IQGAP2: variants seen among roughly 807,000 people sequenced by gnomAD.
The protein encoded by IQGAP2 is IQ motif containing GTPase activating protein 2, also known as ras GTPase-activating-like protein IQGAP2.
Under a neutral mutation model 201.3 loss-of-function variants are expected in IQGAP2, and 173 were observed. That is an observed-to-expected ratio of 0.86 (90% CI 0.76 to 0.98). IQGAP2 has a LOEUF of 0.98. IQGAP2 is among the 50% of genes least tolerant of loss of function. The pLI is 0.00. For missense variants in IQGAP2, 1,687 were observed against 1,864.8 expected (o/e 0.90, Z 1.76); for synonymous variants, 675 against 673.9 (o/e 1.00, Z -0.03).
chr5:76,522,399 T>G (rs1303690054), intron 2 of IQGAP2, among the ~76,000 whole-genome samples: 1 of 152,072 alleles, frequency 6.6e-6, no homozygotes, highest in Non-Finnish European at 1.5e-5. Flanking sequence ...GCCAGGCTGG[T>G]CTTGAACTCC....
At chr5:76,672,211 C>G (rs1341198324) in intron 24 of IQGAP2, among the ~76,000 whole-genome samples, 1 of 152,174 alleles carries the variant, frequency 6.6e-6, no homozygotes, top group Non-Finnish European at 1.5e-5. Flanking sequence ...ATAATTCTCT[C>G]CCTTGTTTAT....
At chr5:76,466,368 A>G (rs936707934) in intron 2 of IQGAP2, among the ~76,000 whole-genome samples, 1 of 152,152 alleles carries the variant, frequency 6.6e-6, no homozygotes, top group Non-Finnish European at 1.5e-5. Context: ...TTATATGGAG[A>G]TGCAAGGAAT....
intron 2 of IQGAP2, among the ~76,000 whole-genome samples, chr5:76,524,627 G>C (rs757688750): frequency 7.9e-5 from 12 of 152,260 alleles, no homozygotes; most frequent in Admixed American, 6.5e-4. Context: ...AAAAACATAA[G>C]AGTTGAACAA....
chr5:76,560,288 G>C (rs893808087), intron 2 of IQGAP2, among the ~76,000 whole-genome samples: 1 of 150,644 alleles, frequency 6.6e-6, no homozygotes, highest in African/African-American at 2.4e-5. Flanking sequence ...GAGTAACTGG[G>C]ACCACAGGTG....
intron 2 of IQGAP2, among the ~76,000 whole-genome samples, chr5:76,468,041 T>C (rs915410005): frequency 1.3e-5 from 2 of 152,186 alleles, no homozygotes; most frequent in Non-Finnish European, 2.9e-5. Flanking sequence ...GTGGTGATGG[T>C]TGCACAACTT....
chr5:76,403,369 C>T lies in IQGAP2; in HGVS notation c.-177C>T, dbSNP rs1122654. The T allele has an allele frequency of 0.16, 67,878 of 424,668 alleles. 7,482 individuals carry two copies. Among genetic ancestry groups the T allele is most frequent in the East Asian group, 0.51 (13,250 of 25,994 alleles). 26.3% of individuals were successfully genotyped at this position (424,668 alleles called of 1,614,324 possible). Reference sequence around the variant, plus strand: ...TACTTCAGTGTCAGCGCGCGGCGGCCGTGGCTGGCTCTGGCGAGAGAGCAC... The same window carrying T: ...TACTTCAGTGTCAGCGCGCGGCGGCTGTGGCTGGCTCTGGCGAGAGAGCAC... On this transcript the variant is annotated 5_prime_UTR_variant, in exon 1 of 36. Coordinates refer to ENST00000274364, the MANE Select transcript of IQGAP2 (RefSeq NM_006633.5). This position sits in a 1 kb window ranked among gnomAD's most constrained non-coding sequence, Gnocchi z 4.8.
At chr5:76,655,184 A>G (rs934285358) in intron 20 of IQGAP2, among the ~76,000 whole-genome samples, 181 bp downstream of exon 20, 8 of 152,186 alleles carry the variant, frequency 5.3e-5, no homozygotes, top group Admixed American at 1.3e-4. Context: ...ACATGGTGAA[A>G]GGAAATGGGC....
intron 17 of IQGAP2, among the ~76,000 whole-genome samples, chr5:76,645,677 C>CA (rs1369285217): frequency 6.6e-6 from 1 of 151,508 alleles, no homozygotes; most frequent in Admixed American, 6.6e-5. Context: ...TATCCAGGAG[C>CA]AAAAAAATTA....
chr5:76,618,126 G>A (rs2150356278), intron 13 of IQGAP2: 2 of 1,614,154 alleles, frequency 1.2e-6, no homozygotes, highest in South Asian at 1.1e-5. Flanking sequence ...ATGGACGATG[G>A]CCAGGTAGCG....
intron 21 of IQGAP2, among the ~76,000 whole-genome samples, chr5:76,659,273 G>T (rs972164937): frequency 5.3e-5 from 8 of 152,130 alleles, no homozygotes; most frequent in African/African-American, 1.9e-4. Context: ...TAAGACTAGG[G>T]CCTTTATATG....
At chr5:76,569,854 T>C (rs1380570392) in intron 3 of IQGAP2, among the ~76,000 whole-genome samples, 1 of 152,206 alleles carries the variant, frequency 6.6e-6, no homozygotes, top group Non-Finnish European at 1.5e-5. Context: ...TTTTATGAGA[T>C]ACAGGCAAGA....
At chr5:76,481,353 G>A (rs758530226) in intron 2 of IQGAP2, among the ~76,000 whole-genome samples, 17 of 151,448 alleles carry the variant, frequency 1.1e-4, no homozygotes, top group East Asian at 1.9e-4. Flanking sequence ...TATCCCAAAC[G>A]TCATTTTAAT....
At chr5:76,475,936 C>T (rs933652849) in intron 2 of IQGAP2, among the ~76,000 whole-genome samples, 4 of 151,928 alleles carry the variant, frequency 2.6e-5, no homozygotes, top group African/African-American at 4.8e-5. Flanking sequence ...AAATTGGGTT[C>T]TTGAGGTCCC....
chr5:76,457,726 T>C (rs958930146), intron 1 of IQGAP2, among the ~76,000 whole-genome samples: 3 of 152,352 alleles, frequency 2.0e-5, no homozygotes, highest in African/African-American at 7.2e-5. Context: ...GGAAATGGAC[T>C]CCTAAAGGAC....
At chr5:76,689,229 T>TGAAAAAAAAAAAAA (rs1561595883) in intron 30 of IQGAP2, among the ~76,000 whole-genome samples, 1 of 33,680 alleles carries the variant, frequency 3.0e-5, no homozygotes, top group African/African-American at 1.2e-4. Context: ...ACAGGGATAT[T>TGAAAAAAAAAAAAA]TAAAAAAAAA....
chr5:76,631,356 C>A (rs1200797759), intron 14 of IQGAP2, among the ~76,000 whole-genome samples: 2 of 152,108 alleles, frequency 1.3e-5, no homozygotes, highest in African/African-American at 4.8e-5. Context: ...TTGCACATAT[C>A]CACCAGCTCT....
intron 15 of IQGAP2, among the ~76,000 whole-genome samples, chr5:76,635,897 A>T (rs1404663887): frequency 6.6e-6 from 1 of 152,080 alleles, no homozygotes; most frequent in Non-Finnish European, 1.5e-5. Flanking sequence ...AGGAAGAAAG[A>T]ATAATAATTA....
At chr5:76,661,307 G>C (rs891423422) in intron 21 of IQGAP2, among the ~76,000 whole-genome samples, 1 of 152,162 alleles carries the variant, frequency 6.6e-6, no homozygotes, top group South Asian at 2.1e-4. Context: ...TAGGCAAAAA[G>C]AATGGTTTGG....
intron 13 of IQGAP2, among the ~76,000 whole-genome samples, chr5:76,613,315 T>C (rs1312637783): frequency 6.6e-6 from 1 of 152,198 alleles, no homozygotes. Flanking sequence ...TGGCACATGG[T>C]AAACTTACAA....
Sources: allele counts gnomAD v4.1 joint callset (sites outside exome capture counted in the v4.1 genomes callset), GRCh38; gene constraint gnomAD v4.1.1; non-coding constraint Gnocchi (gnomAD v3.1); transcripts MANE v1.5; gene names NCBI Gene and HGNC (gene_info 2026-07-23, HGNC 2026-07-21).